The following SELE variants were observed in gnomAD, a reference collection of about 807,000 sequenced individuals.
SELE encodes selectin E, also known as E-selectin.
SELE carries 52 observed loss-of-function variants against 75.8 expected under a neutral mutation model. The ratio of observed to expected loss-of-function variants is 0.69; its 90% CI spans 0.55 to 0.86. The LOEUF is 0.86. SELE is among the 40% of genes least tolerant of loss of function. The pLI is 0.00. For synonymous variants in SELE, 285 were observed against 258.7 expected (o/e 1.10, Z -0.98); for missense variants, 754 against 732.7 (o/e 1.03, Z -0.34).
rs1648823114 is a variant in SELE, at chr1:169,728,170, A to G, written c.1167T>C (p.Arg389=). The G allele has an allele frequency of 6.2e-7, 1 of 1,614,214 alleles. No individual in the cohort carries two copies. Residue 389 remains arginine, a synonymous_variant, in exon 8 of 14, where the codon CGT becomes CGC. Transcript: ENST00000333360. ...NCLPSASGSF[R]YGSSCEFSCE... ...AGGAGAACTCACAGCTGGACCCATA[A>G]CGGAAACTGCCAGAAGCACTAGGAA...
In SELE at chr1:169,730,567, T is replaced by A. The variant is rs753630389; in HGVS notation, c.580A>T (p.Ser194Cys). The A allele has an allele frequency of 6.2e-7, 1 of 1,614,038 alleles. No homozygotes were observed. Among genetic ancestry groups the A allele is most frequent in the African/African-American group, 1.3e-5 (1 of 75,024 alleles). ...ESPEHGSLVC[S>C]HPLGNFSYNS... ...TAGCTGAAGTTTCCCAGTGGGTGAC[T>A]GCAAACCAGGCTTCCATGCTCAGGG... Residue 194 changes from serine (S) to cysteine (C), a missense_variant, in exon 5 of 14, where the codon AGT (serine) becomes TGT (cysteine). Physicochemically the swap from Ser to Cys is moderately radical, Grantham distance 112 (BLOSUM62 -1). Coordinates refer to ENST00000333360, the MANE Select transcript of SELE (RefSeq NM_000450.2).
intron 7 of SELE, among the ~76,000 whole-genome samples, chr1:169,728,525 T>C (rs1571145064): frequency 6.6e-6 from 1 of 152,176 alleles, no homozygotes; most frequent in Admixed American, 6.5e-5. Flanking sequence ...TTTCACGCAG[T>C]CTGAGGACAA....
chr1:169,731,097 A>G (rs1648900400), intron 4 of SELE, among the ~76,000 whole-genome samples: 2 of 129,040 alleles, frequency 1.5e-5, no homozygotes, highest in African/African-American at 5.5e-5. Context: ...AGTAGCCACT[A>G]TCTGTGTGGC....
intron 12 of SELE, 23 bp from the exon 13 acceptor site, chr1:169,725,824 A>G (rs1160896227): frequency 1.2e-6 from 2 of 1,613,796 alleles, no homozygotes; most frequent in South Asian, 1.1e-5. Flanking sequence ...TGAGAACACT[A>G]GGTAAAGCAC....
intron 7 of SELE, 150 bp from the exon 8 acceptor site, chr1:169,728,396 T>G: frequency 2.8e-6 from 2 of 725,770 alleles, no homozygotes; most frequent in Non-Finnish European, 2.2e-6. Flanking sequence ...GGCTGTGTTT[T>G]CTTTGAATTT....
At chr1:169,731,812 A>T (rs1283031884) in intron 4 of SELE, 23 bp downstream of exon 4, 1 of 1,533,364 alleles carries the variant, frequency 6.5e-7, no homozygotes, top group East Asian at 2.3e-5. Context: ...TCAAGTGAAG[A>T]AAGAGGCAAG....
Position 169,732,756 on chromosome 1 carries a change from C to G in SELE, c.280G>C (p.Ala94Pro). ...GGTTCACCTGGAGCCCAGTTCTTGGCTTCTTCTGTCAGAGGTTTCTGGGTT... is the reference window on the plus strand; with the variant it reads ...GGTTCACCTGGAGCCCAGTTCTTGGGTTCTTCTGTCAGAGGTTTCTGGGTT... ...VGTQKPLTEE[A>P]KNWAPGEPNN... The change falls in exon 3 of 14, where the codon GCC becomes CCC. Residue 94 changes from alanine to proline, a missense_variant. Transcript: ENST00000333360. 1 of 1,614,128 alleles carries G rather than the reference C, an allele frequency of 6.2e-7. No individual in the cohort carries two copies. Among genetic ancestry groups the G allele is most frequent in the Non-Finnish European group, 8.5e-7 (1 of 1,180,002 alleles).
In SELE at chr1:169,726,714, T is replaced by G. The variant is rs1458097047; in HGVS notation, c.1738A>C (p.Lys580Gln). Reference protein sequence around the residue: ...TLAPFLLWLRKCLRKAKKFVP... With the variant: ...TLAPFLLWLRQCLRKAKKFVP... Reference sequence around the variant, plus strand: ...ACTTCCTCACCTTTCCGTAAGCATTTCCGAAGCCAGAGGAGAAATGGTGCT... The same window carrying G: ...ACTTCCTCACCTTTCCGTAAGCATTGCCGAAGCCAGAGGAGAAATGGTGCT... The change falls in exon 11 of 14, where the codon AAA (lysine) becomes CAA (glutamine). Residue 580 changes from lysine to glutamine, a missense_variant. Physicochemically the swap from Lys to Gln is moderately conservative, Grantham distance 53. Transcript: ENST00000333360. The G allele has an allele frequency of 1.9e-6, 3 of 1,612,838 alleles. No homozygotes were observed. Among genetic ancestry groups the G allele is most frequent in the Non-Finnish European group, 2.5e-6 (3 of 1,178,976 alleles).
intron 11 of SELE, 37 bp downstream of exon 11, chr1:169,726,662 A>G: frequency 1.4e-6 from 2 of 1,422,504 alleles, no homozygotes; most frequent in East Asian, 2.3e-5. Context: ...ATGTATTTTC[A>G]AAAACATTTT....
rs1800015 is a variant in SELE, at chr1:169,732,763, T to C, written c.273A>G (p.Thr91=). The change falls in exon 3 of 14, where the codon ACA becomes ACG. Residue 91 remains threonine (T), a synonymous_variant. Coordinates refer to ENST00000333360, the MANE Select transcript of SELE (RefSeq NM_000450.2). ...WVWVGTQKPL[T]EEAKNWAPGE... Reference sequence around the variant, plus strand: ...CTGGAGCCCAGTTCTTGGCTTCTTCTGTCAGAGGTTTCTGGGTTCCTACCC... The same window carrying C: ...CTGGAGCCCAGTTCTTGGCTTCTTCCGTCAGAGGTTTCTGGGTTCCTACCC... 0.092 allele frequency: 148,583 copies of C among 1,613,980 alleles called. 7,440 individuals are homozygous for C. Among genetic ancestry groups the C allele is most frequent in the Middle Eastern group, 0.11 (692 of 6,056 alleles).
In SELE at chr1:169,732,854, G is replaced by T. The variant is rs770105052; in HGVS notation, c.182C>A (p.Ser61Tyr). The T allele has an allele frequency of 6.2e-7, 1 of 1,614,130 alleles. No individual in the cohort carries two copies. Among genetic ancestry groups the T allele is most frequent in the South Asian group, 1.1e-5 (1 of 91,078 alleles). The stretch of plus-strand genomic sequence containing the variant: ...ATAACTTGGTGAATAGCTCAATATG[G>T]AGTTTAGGTACTCAATCTCTTCTTT... ...QNKEEIEYLN[S>Y]ILSYSPSYYW... Residue 61 changes from serine (S) to tyrosine (Y), a missense_variant, in exon 3 of 14, where the codon TCC (serine) becomes TAC (tyrosine). Ser to Tyr is a moderately radical substitution (Grantham distance 144, BLOSUM62 -2). Transcript: ENST00000333360.
At chr1:169,729,786 G>T in intron 5 of SELE, 113 bp from the exon 6 acceptor site, 5 of 869,792 alleles carry the variant, frequency 5.7e-6, no homozygotes, top group Middle Eastern at 2.3e-4. Flanking sequence ...AGATCCCAAA[G>T]TCCTATGTCA....
At chr1:169,733,316 T>C (rs1648964349) in intron 2 of SELE, among the ~76,000 whole-genome samples, 1 of 152,188 alleles carries the variant, frequency 6.6e-6, no homozygotes, top group Non-Finnish European at 1.5e-5. Flanking sequence ...TATGAGGTAC[T>C]TTCCATGAAC....
Position 169,725,769 on chromosome 1 carries a change from T to A in SELE, c.1808A>T (p.Tyr603Phe). 2 of 1,614,074 alleles carry A rather than the reference T, an allele frequency of 1.2e-6. No individual in the cohort carries two copies. The highest frequency in any genetic ancestry group is 2.7e-5 in the African/African-American group (2 of 75,062). ...SCQSLESDGSYQKPSYIL is the reference protein window; with the variant it reads ...SCQSLESDGSFQKPSYIL Reference sequence around the variant, plus strand: ...TTAAAGGATGTAAGAAGGCTTTTGGTAGCTTCCATCTGATTCAAGGCTTTG... The same window carrying A: ...TTAAAGGATGTAAGAAGGCTTTTGGAAGCTTCCATCTGATTCAAGGCTTTG... Residue 603 changes from tyrosine (Y) to phenylalanine (F), a missense_variant, in exon 13 of 14, where the codon TAC (tyrosine) becomes TTC (phenylalanine). Transcript: ENST00000333360.
chr1:169,731,622 G>A (rs1273848119), intron 4 of SELE: 1 of 490,934 alleles, frequency 2.0e-6, no homozygotes, highest in Non-Finnish European at 3.7e-6. Flanking sequence ...GACATAGAGA[G>A]TTAAACTATC....
chr1:169,728,069 G>A lies in SELE; in HGVS notation c.1268C>T (p.Pro423Leu). ...AACAAAGACTGTACCTTCACATGTG[G>A]GCTTCTCGTTGTCCCACTCCCCTGT... is the stretch of plus-strand genomic sequence containing the variant. ...GPTGEWDNEK[P>L]TCEAVRCDAV... Residue 423 changes from proline to leucine, a missense_variant, in exon 8 of 14, where the codon CCC becomes CTC. Transcript: ENST00000333360. The A allele has an allele frequency of 6.2e-7, 1 of 1,612,032 alleles. No homozygotes were observed. The highest frequency in any genetic ancestry group is 1.3e-5 in the African/African-American group (1 of 74,816).
Position 169,729,379 on chromosome 1 carries a change from A to G in SELE, c.902-5T>C. 6.2e-7 allele frequency: 1 copy of G among 1,613,426 alleles called. No homozygotes were observed. The highest frequency in any genetic ancestry group is 8.5e-7 in the Non-Finnish European group (1 of 1,179,644). On this transcript the variant is annotated splice_polypyrimidine_tract_variant and splice_region_variant and intron_variant, in intron 6 of 13. Coordinates refer to ENST00000333360, the MANE Select transcript of SELE (RefSeq NM_000450.2). Reference sequence around the variant, plus strand: ...GGACGGCCCTGCATGTCACAGCTGTAACAAATATACGCATTGATATTAGCA... The same window carrying G: ...GGACGGCCCTGCATGTCACAGCTGTGACAAATATACGCATTGATATTAGCA...
In SELE at chr1:169,729,211, C is replaced by T; in HGVS notation, c.1065G>A (p.Trp355Ter). The change falls in exon 7 of 14, where the codon TGG (tryptophan) becomes TGA (stop). Residue 355 changes from tryptophan to a stop codon, truncating the protein, a stop_gained. Coordinates refer to ENST00000333360, the MANE Select transcript of SELE (RefSeq NM_000450.2). LOFTEE classifies it high-confidence loss of function. ...AQVECTTQGQ[W>*]TQQIPVCEAF... ...CTTCACAAACTGGGATTTGCTGTGT[C>T]CACTGCCCTTGAGTGGTGCATTCAA... 6.2e-7 allele frequency: 1 copy of T among 1,612,674 alleles called. No homozygotes were observed. The highest frequency in any genetic ancestry group is 8.5e-7 in the Non-Finnish European group (1 of 1,179,266).
chr1:169,731,223 C>T (rs1439540197), intron 4 of SELE, among the ~76,000 whole-genome samples: 1 of 152,186 alleles, frequency 6.6e-6, no homozygotes, highest in Non-Finnish European at 1.5e-5. Context: ...TAGGTACACA[C>T]TGGAAAACAC....
Sources: gnomAD v4.1 joint callset for allele counts (sites outside exome capture counted in the v4.1 genomes callset) on GRCh38, gnomAD v4.1.1 for gene constraint, MANE v1.5 for transcripts, NCBI Gene and HGNC (gene_info 2026-07-23, HGNC 2026-07-21) for gene names.